PPM1B: variants seen among roughly 807,000 people sequenced by gnomAD.
PPM1B encodes the protein protein phosphatase 1B.
PPM1B carries 22 observed loss-of-function variants against 43.0 expected under a neutral mutation model. The observed-to-expected ratio is 0.51, with a 90% CI of 0.37 to 0.73. The LOEUF is 0.73. PPM1B is among the 30% of genes least tolerant of loss of function. The probability of loss-of-function intolerance (pLI) is 0.00; values close to 1 mark genes in which losing one functional copy is unlikely to be tolerated. For synonymous variants in PPM1B, 217 were observed against 197.9 expected, an observed-to-expected ratio of 1.10 and a Z score of -0.81; for missense variants, 632 against 584.2, an observed-to-expected ratio of 1.08 and a Z score of -0.84.
At chr2:44,198,243 C>G (rs770678051) in intron 1 of PPM1B, among the ~76,000 whole-genome samples, 1 of 152,182 alleles carries the variant, frequency 6.6e-6, no homozygotes, top group African/African-American at 2.4e-5. Context: ...TCACCACAAC[C>G]TCTGCCTCCC....
intron 2 of PPM1B, among the ~76,000 whole-genome samples, chr2:44,206,667 A>G (rs147533330): frequency 4.6e-5 from 7 of 152,300 alleles, no homozygotes; most frequent in Non-Finnish European, 8.8e-5. Context: ...TAAAAGTGTA[A>G]GGTGTTAATT....
At position 44,199,323 on chromosome 2, in the gene PPM1B, AT is replaced by A. The variant is rs138663319; in HGVS notation, c.-14-1862del. 2.2e-3 allele frequency among the ~76,000 whole-genome samples: 213 copies of A among 97,896 alleles called. 1 individual carries two copies. Among genetic ancestry groups the A allele is most frequent in the Middle Eastern group, 5.1e-3 (1 of 198 alleles). The allele number at this position is 97,896 out of a possible 152,430, so 64.2% of individuals were successfully genotyped here. ...GATCTCAAAAAAAAAAAAAATAAAA[AT>A]AAAAAAAAAAAAAATTGAGCCAGGT... On this transcript the variant is annotated intron_variant, in intron 1 of 5. Transcript: ENST00000282412.
intron 5 of PPM1B, among the ~76,000 whole-genome samples, chr2:44,226,279 A>G (rs1270827409): frequency 3.3e-5 from 5 of 152,094 alleles, no homozygotes; most frequent in Non-Finnish European, 7.4e-5. Context: ...CCGACCTAGT[A>G]TATCTTTTAA....
At chr2:44,238,854 T>A (rs928208622), downstream of PPM1B, among the ~76,000 whole-genome samples, 7 of 152,176 alleles carry the variant, frequency 4.6e-5, no homozygotes, top group Non-Finnish European at 8.8e-5. Flanking sequence ...AAGAGTTAAT[T>A]AAATCCAATA....
intron 2 of PPM1B, among the ~76,000 whole-genome samples, chr2:44,208,719 G>T (rs1206042319): frequency 3.9e-5 from 6 of 152,150 alleles, no homozygotes; most frequent in Non-Finnish European, 8.8e-5. Context: ...GTCTCAAATA[G>T]TAATAATAAT....
At chr2:44,218,621 C>G in intron 5 of PPM1B, 84 bp downstream of exon 5, 1 of 948,176 alleles carries the variant, frequency 1.1e-6, no homozygotes. Context: ...TTAACGAAGT[C>G]TATAATAAAT....
Position 44,188,397 on chromosome 2 carries a change from T to C in PPM1B, c.-14-12789T>C, listed in dbSNP as rs1369829122. On this transcript the variant is annotated intron_variant, in intron 1 of 5. Coordinates refer to ENST00000282412, the MANE Select transcript of PPM1B (RefSeq NM_002706.6). ...GCTGAGTTTCTTTCTTTCTTTCTTT[T>C]TTTTTTTTTTTTTTTTGAGACAGGG... is the stretch of plus-strand genomic sequence containing the variant. Among the ~76,000 whole-genome samples the C allele has an allele frequency of 3.9e-3, 565 of 145,110 alleles. 2 individuals are homozygous for C. Among genetic ancestry groups the C allele is most frequent in the African/African-American group, 0.013 (491 of 39,260 alleles).
At chr2:44,195,667 A>G (rs112817627) in intron 1 of PPM1B, among the ~76,000 whole-genome samples, 5 of 152,200 alleles carry the variant, frequency 3.3e-5, no homozygotes, top group Non-Finnish European at 7.4e-5. Flanking sequence ...ACAGAGCAAG[A>G]TCCTGTCTCT....
intron 1 of PPM1B, among the ~76,000 whole-genome samples, chr2:44,180,778 G>T (rs1473781158): frequency 6.6e-6 from 1 of 151,718 alleles, no homozygotes; most frequent in African/African-American, 2.4e-5. Context: ...ACCTGGCTAA[G>T]AAGTGTCTTT....
intron 2 of PPM1B, among the ~76,000 whole-genome samples, chr2:44,204,756 G>T (rs1228467987): frequency 1.3e-5 from 2 of 151,256 alleles, no homozygotes; most frequent in African/African-American, 4.9e-5. Flanking sequence ...CTACTCAGGA[G>T]GCTGAGGCAG....
chr2:44,177,973 A>G lies in PPM1B; in HGVS notation c.-15+8699A>G, dbSNP rs373832133. On this transcript the variant is annotated intron_variant, in intron 1 of 5. Coordinates refer to ENST00000282412, the MANE Select transcript of PPM1B (RefSeq NM_002706.6). Reference sequence around the variant, plus strand: ...GGCTCTGTTGCTCAGGCAAGAGTGCAGTGGCTCAATCTTGGCTCACTGCAG... The same window carrying G: ...GGCTCTGTTGCTCAGGCAAGAGTGCGGTGGCTCAATCTTGGCTCACTGCAG... 1.5e-4 allele frequency among the ~76,000 whole-genome samples: 22 copies of G among 146,118 alleles called. No individual in the cohort carries two copies. In the East Asian group the frequency reaches 1.8e-3, roughly 12 times the overall value.
chr2:44,244,822 T>G (rs967329033), downstream of PPM1B, among the ~76,000 whole-genome samples: 9 of 139,944 alleles, frequency 6.4e-5, no homozygotes, highest in South Asian at 2.2e-4. Flanking sequence ...TTACTTGAGA[T>G]ATATATATAT....
At position 44,218,502 on chromosome 2, in the gene PPM1B, T is replaced by A. The variant is rs777808607; in HGVS notation, c.1099T>A (p.Tyr367Asn). Residue 367 changes from tyrosine to asparagine, a missense_variant, in exon 5 of 6, where the codon TAT becomes AAT. Tyr to Asn is a moderately radical substitution (Grantham distance 143). Coordinates refer to ENST00000282412, the MANE Select transcript of PPM1B (RefSeq NM_002706.6). ...TAGGCGTAATGTTATTGAAGCTGTT[T>A]ATAGTAGACTGAATCCACATAGAGA... ...AGKRNVIEAV[Y>N]SRLNPHRESD... 1 of 1,587,844 alleles carries A rather than the reference T, an allele frequency of 6.3e-7. No individual in the cohort carries two copies. Among genetic ancestry groups the A allele is most frequent in the Non-Finnish European group, 8.5e-7 (1 of 1,171,004 alleles).
chr2:44,208,983 A>G (rs1669322872), intron 2 of PPM1B, among the ~76,000 whole-genome samples: 2 of 152,230 alleles, frequency 1.3e-5, no homozygotes, highest in East Asian at 3.8e-4. Context: ...GTGGGTAATA[A>G]TAGTTCACCA....
chr2:44,183,808 G>A (rs547369995), intron 1 of PPM1B, among the ~76,000 whole-genome samples: 1 of 152,080 alleles, frequency 6.6e-6, no homozygotes, highest in African/African-American at 2.4e-5. Flanking sequence ...GCGCGATCTC[G>A]GCTCACTGCA....
chr2:44,183,834 G>T (rs1418854682), intron 1 of PPM1B, among the ~76,000 whole-genome samples: 1 of 152,068 alleles, frequency 6.6e-6, no homozygotes, highest in Non-Finnish European at 1.5e-5. Context: ...CGCCTTCCGG[G>T]TTCACACCAT....
chr2:44,183,093 A>T (rs548510247), intron 1 of PPM1B, among the ~76,000 whole-genome samples: 8 of 152,334 alleles, frequency 5.3e-5, no homozygotes, highest in Non-Finnish European at 1.5e-5. Context: ...TCATCTCAGG[A>T]TCTTCAGAAG....
chr2:44,169,663 A>G (rs1237467573), intron 1 of PPM1B, among the ~76,000 whole-genome samples: 1 of 152,218 alleles, frequency 6.6e-6, no homozygotes, highest in East Asian at 1.9e-4. Flanking sequence ...GCCCTGTTTG[A>G]AAACACTATC....
rs910714009 is a variant in PPM1B, at chr2:44,211,783, G to A, written c.964+2456G>A. Among the ~76,000 whole-genome samples the A allele has an allele frequency of 3.5e-5, 4 of 114,902 alleles. No individual in the cohort carries two copies. The East Asian group carries it at 1.1e-3, about 31-fold the overall frequency. 75.4% of individuals were successfully genotyped at this position (114,902 alleles called of 152,430 possible). On this transcript the variant is annotated intron_variant, in intron 3 of 5. Transcript: ENST00000282412. ...TTTTTTTTTATGATGGAGTTTCGCT[G>A]TTGTTGCCCAGGCTGGAGTGCAATG...
Sources: gnomAD v4.1 joint callset for allele counts (sites outside exome capture counted in the v4.1 genomes callset) on GRCh38, gnomAD v4.1.1 for gene constraint, MANE v1.5 for transcripts, NCBI Gene and HGNC (gene_info 2026-07-23, HGNC 2026-07-21) for gene names.